Variants in AZIN1 observed in about 807,000 individuals in gnomAD.
AZIN1 encodes the protein antizyme inhibitor 1, also known as ornithine decarboxylase antizyme inhibitor.
Under a neutral mutation model 47.4 loss-of-function variants are expected in AZIN1, and 12 were observed. The observed-to-expected ratio is 0.25, with a 90% CI of 0.16 to 0.41. AZIN1 has a LOEUF of 0.41. Among genes scored for constraint, AZIN1 ranks in the 10% least tolerant of loss-of-function variants. The pLI is 1.00. For missense variants in AZIN1, 410 were observed against 532.4 expected (o/e 0.77, Z 2.26); for synonymous variants, 155 against 176.3 (o/e 0.88, Z 0.96).
intron 5 of AZIN1, 72 bp downstream of exon 5, chr8:102,838,672 T>C: frequency 7.7e-7 from 1 of 1,299,520 alleles, no homozygotes; most frequent in Admixed American, 2.3e-5. Flanking sequence ...TGCTCCTTTC[T>C]TCCCAGACAA....
At chr8:102,848,207 CA>C (rs1812697015) in intron 2 of AZIN1, among the ~76,000 whole-genome samples, 1 of 149,982 alleles carries the variant, frequency 6.7e-6, no homozygotes, top group South Asian at 2.1e-4. Flanking sequence ...CTATGATGTT[CA>C]AACAACCACA....
intron 5 of AZIN1, 30 bp downstream of exon 5, chr8:102,838,714 A>G (rs1401628807): frequency 1.9e-6 from 3 of 1,580,292 alleles, no homozygotes; most frequent in Non-Finnish European, 1.7e-6. Flanking sequence ...GTGCTAAATA[A>G]TATTTTCAAG....
At chr8:102,845,833 A>G (rs1812534600) in intron 2 of AZIN1, among the ~76,000 whole-genome samples, 1 of 152,168 alleles carries the variant, frequency 6.6e-6, no homozygotes, top group African/African-American at 2.4e-5. Flanking sequence ...AAAATAAGTA[A>G]ATTGTGTCCT....
intron 2 of AZIN1, chr8:102,854,626 A>ATATATATTTT (rs748560222): frequency 7.3e-6 from 1 of 136,700 alleles, no homozygotes; most frequent in Admixed American, 7.7e-5. Flanking sequence ...ATATATATAT[A>ATATATATTTT]TTTTTTTTCC....
intron 3 of AZIN1, among the ~76,000 whole-genome samples, chr8:102,843,235 A>C (rs2131238041): frequency 6.6e-6 from 1 of 152,182 alleles, no homozygotes; most frequent in African/African-American, 2.4e-5. Flanking sequence ...AAAATTGAGA[A>C]AAATGAGTAA....
intron 1 of AZIN1, among the ~76,000 whole-genome samples, chr8:102,862,586 C>A (rs79434749): frequency 0.029 from 4,452 of 152,216 alleles, 73 homozygotes; most frequent in East Asian, 0.05. Flanking sequence ...CAATCATGAG[C>A]CATGTTTCTG....
At chr8:102,839,588 G>GT in intron 4 of AZIN1, 62 bp downstream of exon 4, 1 of 1,218,378 alleles carries the variant, frequency 8.2e-7, no homozygotes, top group East Asian at 2.7e-5. Context: ...TCTAACCGCT[G>GT]TAACTACATT....
chr8:102,854,184 C>A (rs893691056), intron 2 of AZIN1, among the ~76,000 whole-genome samples: 11 of 151,874 alleles, frequency 7.2e-5, no homozygotes. Flanking sequence ...GATGATCTGC[C>A]GGCCTCAGCC....
chr8:102,836,586 T>G, intron 5 of AZIN1, 196 bp from the exon 6 acceptor site: 1 of 562,528 alleles, frequency 1.8e-6, no homozygotes, highest in Non-Finnish European at 3.1e-6. Context: ...AGCATGAAGC[T>G]TACAAGGATG....
In AZIN1 at chr8:102,828,639, C is replaced by G; in HGVS notation, c.1275G>C (p.Met425Ile). The change falls in exon 12 of 12, where the codon ATG (methionine) becomes ATC (isoleucine). Residue 425 changes from methionine to isoleucine, a missense_variant. This residue lies in a region of AZIN1 where 168 missense variants were observed against 198.3 expected (regional missense o/e 0.85). Coordinates refer to ENST00000337198, the MANE Select transcript of AZIN1 (RefSeq NM_148174.4). ...AAGGCACAAAGAAGAAGTTCTTCAT[C>G]ATTGAGTCTGAAGTAATTCCAGCAT... is the stretch of plus-strand genomic sequence containing the variant. ...MQDAGITSDS[M>I]MKNFFFVPSC... 6.2e-7 allele frequency: 1 copy of G among 1,611,460 alleles called. No individual in the cohort carries two copies. The highest frequency in any genetic ancestry group is 8.5e-7 in the Non-Finnish European group (1 of 1,178,048).
In AZIN1 at chr8:102,833,126, A is replaced by G; in HGVS notation, c.834T>C (p.Ser278=). The G allele has an allele frequency of 6.2e-7, 1 of 1,613,338 alleles. No individual in the cohort carries two copies. The highest frequency in any genetic ancestry group is 8.5e-7 in the Non-Finnish European group (1 of 1,179,316). The part of the protein sequence containing the change: ...IISEPGSYYV[S]SAFTLAVNII... ...TATTAACTGCGAGTGTAAATGCAGA[A>G]GACACATAGTAGCTTCCGGGTTCTG... Residue 278 remains serine, a synonymous_variant, in exon 9 of 12, where the codon TCT becomes TCC. Coordinates refer to ENST00000337198, the MANE Select transcript of AZIN1 (RefSeq NM_148174.4).
intron 2 of AZIN1, among the ~76,000 whole-genome samples, chr8:102,857,232 G>C (rs1467863239): frequency 6.6e-6 from 1 of 152,022 alleles, no homozygotes; most frequent in African/African-American, 2.4e-5. Flanking sequence ...CACTTTTATC[G>C]AATAGGGATC....
At chr8:102,858,172 A>G (rs1157711067) in intron 1 of AZIN1, 22 bp from the exon 2 acceptor site, 4 of 398,726 alleles carry the variant, frequency 1.0e-5, no homozygotes, top group Admixed American at 8.8e-5. Flanking sequence ...AAATAAAAGT[A>G]GCAGAAGATA....
chr8:102,845,406 GT>G (rs1266944681), intron 2 of AZIN1, among the ~76,000 whole-genome samples: 2 of 152,140 alleles, frequency 1.3e-5, no homozygotes, highest in Admixed American at 6.5e-5. Context: ...AGACTGAAAA[GT>G]TTAGGATGTT....
chr8:102,857,934 T>C lies in AZIN1; in HGVS notation c.-96+79A>G, dbSNP rs189040307. 15 of 398,156 alleles carry C rather than the reference T, an allele frequency of 3.8e-5. No individual in the cohort carries two copies. The Admixed American group carries it at 5.7e-4, about 15-fold the overall frequency. 24.7% of individuals were successfully genotyped at this position (398,156 alleles called of 1,614,324 possible). On this transcript the variant is annotated intron_variant, in intron 2 of 11. Coordinates refer to ENST00000337198, the MANE Select transcript of AZIN1 (RefSeq NM_148174.4). ...AAGAGGTAAATGCAATTTCAAATTC[T>C]GAAAAATACTAAGCAAGGCAGCACT...
In AZIN1 at chr8:102,847,542, G is replaced by T. The variant is rs938297496; in HGVS notation, c.-95-3795C>A. ...TGGTGGTAATGAACTCCCTGGAAGTGTATTGAAAAAGTAGCTCAATTTTTC... is the reference window on the plus strand; with the variant it reads ...TGGTGGTAATGAACTCCCTGGAAGTTTATTGAAAAAGTAGCTCAATTTTTC... On this transcript the variant is annotated intron_variant, in intron 2 of 11. Transcript: ENST00000337198. Among the ~76,000 whole-genome samples the T allele has an allele frequency of 4.0e-5, 6 of 151,332 alleles. No individual in the cohort carries two copies. The South Asian group carries it at 1.3e-3, about 32-fold the overall frequency.
chr8:102,860,320 T>C (rs1271329790), intron 1 of AZIN1, among the ~76,000 whole-genome samples: 1 of 152,210 alleles, frequency 6.6e-6, no homozygotes, highest in Non-Finnish European at 1.5e-5. Context: ...TGGAGTGCAG[T>C]GGCGCGATCT....
intron 9 of AZIN1, chr8:102,830,165 C>T (rs1282589670): frequency 5.9e-6 from 2 of 337,056 alleles, no homozygotes; most frequent in Non-Finnish European, 5.4e-6. Flanking sequence ...GTGGGAGGAT[C>T]ACTTGAGGTC....
chr8:102,861,915 A>C (rs1302085168), intron 1 of AZIN1, among the ~76,000 whole-genome samples: 1 of 151,936 alleles, frequency 6.6e-6, no homozygotes. Flanking sequence ...GGGCGCCTGT[A>C]ATCCCAGCTG....
Sources: gnomAD v4.1 joint callset for allele counts (sites outside exome capture counted in the v4.1 genomes callset) on GRCh38, gnomAD v4.1.1 for gene constraint, gnomAD v4.1.1 regional missense constraint, MANE v1.5 for transcripts, NCBI Gene and HGNC (gene_info 2026-07-23, HGNC 2026-07-21) for gene names.